OXR1: variants seen among roughly 807,000 people sequenced by gnomAD.
The protein encoded by OXR1 is oxidation resistance protein 1.
OXR1 carries 41 observed loss-of-function variants against 104.6 expected under a neutral mutation model. That is an observed-to-expected ratio of 0.39 (90% confidence interval 0.31 to 0.51). OXR1 has a LOEUF of 0.51. Among genes scored for constraint, OXR1 ranks in the 20% least tolerant of loss-of-function variants. The pLI is 0.77. For missense variants in OXR1, 955 were observed against 1,031.9 expected (o/e 0.93, Z 1.02); for synonymous variants, 348 against 348.4 (o/e 1.00, Z 0.01).
At chr8:106,545,752 C>A (rs1057419083) in intron 3 of OXR1, among the ~76,000 whole-genome samples, 1 of 152,148 alleles carries the variant, frequency 6.6e-6, no homozygotes, top group Non-Finnish European at 1.5e-5. Context: ...AATCCCAGCA[C>A]TTTGGGAGAC....
chr8:106,682,318 G>C (rs1172794956), intron 4 of OXR1, among the ~76,000 whole-genome samples: 2 of 146,666 alleles, frequency 1.4e-5, no homozygotes, highest in African/African-American at 5.1e-5. Context: ...GCCCAGACTG[G>C]AGTGCAGTGG....
intron 3 of OXR1, chr8:106,618,198 T>C (rs1307013951): frequency 1.3e-6 from 2 of 1,530,140 alleles, no homozygotes; most frequent in Middle Eastern, 3.3e-4. Context: ...GTGTAAGTGC[T>C]CTCTTAGTGG....
At chr8:106,558,968 CT>C (rs1816483459) in intron 3 of OXR1, among the ~76,000 whole-genome samples, 1 of 152,176 alleles carries the variant, frequency 6.6e-6, no homozygotes, top group Non-Finnish European at 1.5e-5. Context: ...GTGTCTTTTC[CT>C]GAGAATTTTC....
At chr8:106,554,446 G>A (rs1261433336) in intron 3 of OXR1, among the ~76,000 whole-genome samples, 1 of 152,158 alleles carries the variant, frequency 6.6e-6, no homozygotes, top group Non-Finnish European at 1.5e-5. Context: ...ATTGGACCCT[G>A]AACTAGAAAA....
intron 3 of OXR1, among the ~76,000 whole-genome samples, chr8:106,535,068 T>C (rs1342249593): frequency 1.3e-5 from 2 of 152,144 alleles, no homozygotes; most frequent in East Asian, 1.9e-4. Flanking sequence ...GTTCACACCA[T>C]TCTCCTGCCT....
intron 2 of OXR1, among the ~76,000 whole-genome samples, chr8:106,430,733 C>G (rs1819329915): frequency 6.6e-6 from 1 of 152,152 alleles, no homozygotes; most frequent in Non-Finnish European, 1.5e-5. Flanking sequence ...CAAGGATTTC[C>G]TGGCCCTTCC....
chr8:106,723,323 C>G (rs1260998458), intron 11 of OXR1, among the ~76,000 whole-genome samples: 2 of 152,010 alleles, frequency 1.3e-5, no homozygotes, highest in Admixed American at 1.3e-4. Context: ...AACCCCGTCT[C>G]TACTAAAAAT....
At chr8:106,508,599 T>A (rs1021494876) in intron 2 of OXR1, among the ~76,000 whole-genome samples, 8 of 152,230 alleles carry the variant, frequency 5.3e-5, no homozygotes, top group Non-Finnish European at 1.5e-5. Context: ...CGTACATTTT[T>A]AAAAACCACA....
chr8:106,716,273 G>A (rs960633050), intron 11 of OXR1, among the ~76,000 whole-genome samples: 1 of 152,138 alleles, frequency 6.6e-6, no homozygotes, highest in African/African-American at 2.4e-5. Flanking sequence ...CTAGCCACAT[G>A]TAACCATTGA....
chr8:106,702,988 A>T lies in OXR1; in HGVS notation c.758A>T (p.Asn253Ile). Reference sequence around the variant, plus strand: ...AAAAATGACCCTTTGGTTCAAGAGAATGGCTGTGAGGAATATGGCATCATG... The same window carrying T: ...AAAAATGACCCTTTGGTTCAAGAGATTGGCTGTGAGGAATATGGCATCATG... ...PHKNDPLVQE[N>I]GCEEYGIMCP... The change falls in exon 8 of 17, where the codon AAT becomes ATT. Residue 253 changes from asparagine (N) to isoleucine (I), a missense_variant. Asn to Ile is a moderately radical substitution (Grantham distance 149). Around this residue, in one of 2 missense-constraint regions of OXR1, gnomAD observed 849 missense variants for 852.9 expected, o/e 1.00. Coordinates refer to ENST00000517566, the MANE Select transcript of OXR1 (RefSeq NM_001198533.2). 3.1e-6 allele frequency: 5 copies of T among 1,613,710 alleles called. No homozygotes were observed. Among genetic ancestry groups the T allele is most frequent in the Non-Finnish European group, 4.2e-6 (5 of 1,179,692 alleles).
At chr8:106,387,749 A>T (rs969342517) in intron 2 of OXR1, among the ~76,000 whole-genome samples, 3 of 152,236 alleles carry the variant, frequency 2.0e-5, no homozygotes, top group African/African-American at 7.2e-5. Flanking sequence ...GACCAGTCAT[A>T]CAAGTGCATT....
At chr8:106,607,684 G>A (rs1185450266) in intron 3 of OXR1, among the ~76,000 whole-genome samples, 1 of 152,120 alleles carries the variant, frequency 6.6e-6, no homozygotes, top group Non-Finnish European at 1.5e-5. Flanking sequence ...AGGGTGCAGG[G>A]AACTATTTTT....
At chr8:106,357,644 T>C in intron 1 of OXR1, among the ~76,000 whole-genome samples, 1 of 152,244 alleles carries the variant, frequency 6.6e-6, no homozygotes, top group Admixed American at 6.5e-5. Context: ...TTTTTATAGG[T>C]AAATATTATA....
At chr8:106,474,018 C>T (rs1280883263) in intron 2 of OXR1, among the ~76,000 whole-genome samples, 140 of 66,890 alleles carry the variant, frequency 2.1e-3, no homozygotes, top group African/African-American at 0.01. Flanking sequence ...TTTATACACA[C>T]ACACACACAC....
At chr8:106,433,075 G>T (rs1299704934) in intron 2 of OXR1, among the ~76,000 whole-genome samples, 1 of 152,144 alleles carries the variant, frequency 6.6e-6, no homozygotes, top group Non-Finnish European at 1.5e-5. Flanking sequence ...CTCAGAGCTG[G>T]CTGTGCGCGA....
chr8:106,371,388 C>G (rs1379994441), intron 2 of OXR1, among the ~76,000 whole-genome samples: 1 of 150,104 alleles, frequency 6.7e-6, no homozygotes, highest in African/African-American at 2.4e-5. Context: ...TTTTTTGTGT[C>G]TCTATCTCCT....
chr8:106,624,954 G>T (rs1324083464), intron 3 of OXR1, among the ~76,000 whole-genome samples: 1 of 151,990 alleles, frequency 6.6e-6, no homozygotes, highest in Non-Finnish European at 1.5e-5. Flanking sequence ...ACTATGCCCG[G>T]CTAATTTTTC....
chr8:106,381,270 G>A (rs1050371965), intron 2 of OXR1, among the ~76,000 whole-genome samples: 29 of 152,134 alleles, frequency 1.9e-4, no homozygotes, highest in South Asian at 4.1e-4. Context: ...CATCTTATAC[G>A]TGTGAGAGAG....
intron 3 of OXR1, among the ~76,000 whole-genome samples, chr8:106,627,341 T>C (rs1822260545): frequency 6.6e-6 from 1 of 152,012 alleles, no homozygotes. Context: ...ATATGGAGAC[T>C]CTCCCACAAA....
Sources: allele counts gnomAD v4.1 joint callset (sites outside exome capture counted in the v4.1 genomes callset), GRCh38; gene constraint gnomAD v4.1.1; regional missense constraint gnomAD v4.1.1; transcripts MANE v1.5; gene names NCBI Gene and HGNC (gene_info 2026-07-23, HGNC 2026-07-21).